The following TTC28 variants were observed in gnomAD, a reference collection of about 807,000 sequenced individuals.
TTC28 encodes the protein tetratricopeptide repeat protein 28.
In TTC28, 61 loss-of-function variants were observed where a neutral mutation model predicts 198.0. The ratio of observed to expected loss-of-function variants is 0.31; its 90% CI spans 0.25 to 0.38. The LOEUF (loss-of-function observed/expected upper bound fraction) is 0.38, where lower values mean the gene tolerates loss of function less well. Among genes scored for constraint, TTC28 ranks in the 10% least tolerant of loss-of-function variants. The pLI is 1.00. For synonymous variants in TTC28, 1,171 were observed against 1,297.8 expected, an observed-to-expected ratio of 0.90 and a Z score of 2.10; for missense variants, 2,678 against 3,164.0, an observed-to-expected ratio of 0.85 and a Z score of 3.69.
intron 12 of TTC28, among the ~76,000 whole-genome samples, chr22:28,068,431 C>T (rs771611044): frequency 2.0e-5 from 3 of 152,202 alleles, no homozygotes; most frequent in Non-Finnish European, 2.9e-5. Context: ...TAAAGCACCA[C>T]TGTGTAACAG....
At chr22:28,209,958 C>T (rs563067979) in intron 5 of TTC28, among the ~76,000 whole-genome samples, 2 of 152,172 alleles carry the variant, frequency 1.3e-5, no homozygotes, top group African/African-American at 4.8e-5. Flanking sequence ...AAGGATCAGG[C>T]AGCAACATTT....
intron 5 of TTC28, among the ~76,000 whole-genome samples, chr22:28,185,597 T>C (rs569054784): frequency 6.6e-6 from 1 of 152,242 alleles, no homozygotes; most frequent in South Asian, 2.1e-4. Flanking sequence ...ATTATAAGAA[T>C]TTTACAATAT....
At chr22:28,138,193 C>T (rs534650841) in intron 6 of TTC28, among the ~76,000 whole-genome samples, 1 of 152,250 alleles carries the variant, frequency 6.6e-6, no homozygotes, top group East Asian at 1.9e-4. Flanking sequence ...GAATGAACTA[C>T]AGTATCAATC....
chr22:27,995,967 G>C (rs1937544309), intron 17 of TTC28, among the ~76,000 whole-genome samples, 168 bp downstream of exon 17: 1 of 152,198 alleles, frequency 6.6e-6, no homozygotes, highest in South Asian at 2.1e-4. Flanking sequence ...CTCCCAGCAG[G>C]CTTATCCCAG....
At chr22:28,390,114 C>G (rs902662161) in intron 2 of TTC28, among the ~76,000 whole-genome samples, 1 of 152,048 alleles carries the variant, frequency 6.6e-6, no homozygotes, top group African/African-American at 2.4e-5. Context: ...AGTAGTCATT[C>G]AGGAGCAGGT....
At chr22:28,140,811 G>C (rs1276898265) in intron 6 of TTC28, among the ~76,000 whole-genome samples, 1 of 151,754 alleles carries the variant, frequency 6.6e-6, no homozygotes, top group Non-Finnish European at 1.5e-5. Context: ...TTTTTCCTCA[G>C]ACTGATCTTC....
intron 5 of TTC28, among the ~76,000 whole-genome samples, chr22:28,234,058 C>T (rs1391976691): frequency 6.6e-6 from 1 of 151,970 alleles, no homozygotes; most frequent in African/African-American, 2.4e-5. Context: ...AGGTGCCTGC[C>T]ACTACGCCCG....
At chr22:28,082,325 T>A (rs1182090587) in intron 12 of TTC28, among the ~76,000 whole-genome samples, 1 of 152,236 alleles carries the variant, frequency 6.6e-6, no homozygotes, top group Admixed American at 6.5e-5. Flanking sequence ...CCTTGCCTTG[T>A]TCCTGGTCTT....
chr22:28,048,093 G>A lies in TTC28; in HGVS notation c.3933-17727C>T, dbSNP rs78161307. Reference sequence around the variant, plus strand: ...TTGTCAACCTAGGAGGTTTTTTTCTGCTTGGGTAAGGAGGTTTTTTTCTGC... The same window carrying A: ...TTGTCAACCTAGGAGGTTTTTTTCTACTTGGGTAAGGAGGTTTTTTTCTGC... On this transcript the variant is annotated intron_variant, in intron 12 of 22. Transcript: ENST00000397906. Among the ~76,000 whole-genome samples, 460 of 151,276 alleles carry A rather than the reference G, an allele frequency of 3.0e-3. 6 individuals are homozygous for A. The highest frequency in any genetic ancestry group is 0.011 in the African/African-American group (440 of 41,208).
chr22:28,425,372 C>T lies in TTC28; in HGVS notation c.382-118729G>A, dbSNP rs1358437299. Among the ~76,000 whole-genome samples the T allele has an allele frequency of 2.0e-5, 3 of 152,314 alleles. No homozygotes were observed. In the East Asian group the frequency reaches 5.8e-4, roughly 29 times the overall value. On this transcript the variant is annotated intron_variant, in intron 2 of 22. Transcript: ENST00000397906. ...TATATTCCAAGGCACTGGCTAAATG[C>T]CTTTTACAAGTCAGGCACTATGTTG... is the stretch of plus-strand genomic sequence containing the variant.
intron 8 of TTC28, among the ~76,000 whole-genome samples, chr22:28,104,517 AT>A (rs773381354): frequency 1.2e-4 from 19 of 152,292 alleles, no homozygotes; most frequent in Middle Eastern, 3.4e-3. Context: ...AGAGGATCCA[AT>A]ATGCCTGTGT....
At chr22:28,575,806 G>A (rs969913350) in intron 2 of TTC28, among the ~76,000 whole-genome samples, 2 of 152,086 alleles carry the variant, frequency 1.3e-5, no homozygotes, top group Non-Finnish European at 2.9e-5. Flanking sequence ...TTTTCAGACT[G>A]TTTGCTGTTG....
chr22:28,062,179 G>C (rs1053707460), intron 12 of TTC28, among the ~76,000 whole-genome samples: 2 of 151,844 alleles, frequency 1.3e-5, no homozygotes, highest in African/African-American at 4.8e-5. Flanking sequence ...TGCCTCAGCC[G>C]CCTGAGTAAC....
chr22:28,033,838 C>T (rs1450061128), intron 12 of TTC28, among the ~76,000 whole-genome samples: 3 of 152,236 alleles, frequency 2.0e-5, no homozygotes, highest in Non-Finnish European at 4.4e-5. Context: ...GCAACCAGTA[C>T]ATCCCAGACA....
rs189119611 is a variant in TTC28 at position 28,192,006 on chromosome 22, G to A, written c.934-28407C>T. Among the ~76,000 whole-genome samples the A allele has an allele frequency of 6.4e-3, 977 of 152,318 alleles. 6 individuals are homozygous for A. Among genetic ancestry groups the A allele is most frequent in the Middle Eastern group, 0.02 (6 of 294 alleles). On this transcript the variant is annotated intron_variant, in intron 5 of 22. Transcript: ENST00000397906. ...AGACTGCCTCCTCAGGTGGGTCCCT[G>A]ACCGCCGAGTAGCCTAACTGGGAGG...
intron 6 of TTC28, among the ~76,000 whole-genome samples, chr22:28,152,506 ACTCT>A (rs1270778246): frequency 6.6e-6 from 1 of 152,014 alleles, no homozygotes; most frequent in Admixed American, 6.6e-5. Flanking sequence ...TCTCCCTCAT[ACTCT>A]ATAATCTCAG....
chr22:28,386,822 GTTTTT>G lies in TTC28; in HGVS notation c.382-80184_382-80180del, dbSNP rs772398588. On this transcript the variant is annotated intron_variant, in intron 2 of 22. Coordinates refer to ENST00000397906, the MANE Select transcript of TTC28 (RefSeq NM_001145418.2). Reference sequence around the variant, plus strand: ...TTTAGCTTTCTTATAGTTTTTTTTTGTTTTTTTGTTTTGTTTTGTTTTAAGTTATT... The same window carrying G: ...TTTAGCTTTCTTATAGTTTTTTTTTGTTGTTTTGTTTTGTTTTAAGTTATT... Among the ~76,000 whole-genome samples, 24 of 150,480 alleles carry G rather than the reference GTTTTT, an allele frequency of 1.6e-4. 1 individual carries two copies. The East Asian group carries it at 4.7e-3, about 29-fold the overall frequency.
intron 6 of TTC28, among the ~76,000 whole-genome samples, chr22:28,113,010 G>A (rs1252242733): frequency 6.6e-6 from 1 of 152,128 alleles, no homozygotes; most frequent in African/African-American, 2.4e-5. Context: ...CTGTTGTGAG[G>A]GCCAATGCGA....
intron 6 of TTC28, among the ~76,000 whole-genome samples, chr22:28,157,980 T>C (rs906481912): frequency 6.6e-6 from 1 of 152,064 alleles, no homozygotes; most frequent in Non-Finnish European, 1.5e-5. Flanking sequence ...CAAATCATCC[T>C]TGTTTGCAGA....
Sources: gnomAD v4.1 joint callset for allele counts (sites outside exome capture counted in the v4.1 genomes callset) on GRCh38, gnomAD v4.1.1 for gene constraint, MANE v1.5 for transcripts, NCBI Gene and HGNC (gene_info 2026-07-23, HGNC 2026-07-21) for gene names.